Variants in PTPRN2 observed in about 807,000 individuals in gnomAD.
PTPRN2 encodes the protein receptor-type tyrosine-protein phosphatase N2.
Under a neutral mutation model 118.8 loss-of-function variants are expected in PTPRN2, and 74 were observed. That is an observed-to-expected ratio of 0.62 (90% CI 0.52 to 0.76). The LOEUF (loss-of-function observed/expected upper bound fraction) is 0.76, where lower values mean the gene tolerates loss of function less well. Among genes scored for constraint, PTPRN2 ranks in the 30% least tolerant of loss-of-function variants. PTPRN2 has a pLI of 0.00. For synonymous variants in PTPRN2, 641 were observed against 608.0 expected (o/e 1.05, Z -0.80); for missense variants, 1,481 against 1,394.4 (o/e 1.06, Z -0.99).
chr7:158,348,676 C>T (rs1807718214), intron 2 of PTPRN2, among the ~76,000 whole-genome samples: 2 of 152,172 alleles, frequency 1.3e-5, no homozygotes. Flanking sequence ...ATGGTGATGG[C>T]CACAGGCCCG....
chr7:157,717,008 C>T (rs71538050), intron 12 of PTPRN2, among the ~76,000 whole-genome samples: 4 of 113,626 alleles, frequency 3.5e-5, no homozygotes, highest in African/African-American at 1.2e-4. Flanking sequence ...GTAGACTCTG[C>T]GGGAACACTG....
intron 11 of PTPRN2, among the ~76,000 whole-genome samples, chr7:158,039,985 C>A (rs900582261): frequency 2.0e-5 from 3 of 151,568 alleles, no homozygotes; most frequent in Non-Finnish European, 2.9e-5. Flanking sequence ...TTGATGGGCT[C>A]ATTGGTAGAG....
chr7:157,722,827 G>C (rs973447024), intron 12 of PTPRN2, among the ~76,000 whole-genome samples: 6 of 152,114 alleles, frequency 3.9e-5, no homozygotes, highest in African/African-American at 1.2e-4. Flanking sequence ...GGCGGTGCAG[G>C]GTGGGGCTCT....
In PTPRN2 at chr7:157,784,817, C is replaced by A. The variant is rs546417564; in HGVS notation, c.1789-101880G>T. Among the ~76,000 whole-genome samples, 1 of 152,148 alleles carries A rather than the reference C, an allele frequency of 6.6e-6. No homozygotes were observed. Among genetic ancestry groups the A allele is most frequent in the Admixed American group, 6.5e-5 (1 of 15,276 alleles). ...AGCTAATGGAAGGAAATGAACCCAT[C>A]GTGTGGGGCGACATAGGGGCCCAGG... On this transcript the variant is annotated intron_variant, in intron 12 of 22. Coordinates refer to ENST00000389418, the MANE Select transcript of PTPRN2 (RefSeq NM_002847.5). The surrounding 1 kb of genome is among the most constrained non-coding windows in gnomAD (Gnocchi z 4.6).
intron 1 of PTPRN2, among the ~76,000 whole-genome samples, chr7:158,492,400 G>T (rs1046142349): frequency 6.6e-6 from 1 of 152,208 alleles, no homozygotes; most frequent in Admixed American, 6.5e-5. Context: ...AGAGGCACCG[G>T]GAAGAAAGCC....
intron 12 of PTPRN2, among the ~76,000 whole-genome samples, chr7:157,771,889 GAC>G (rs1224938514): frequency 2.0e-5 from 3 of 146,856 alleles, no homozygotes; most frequent in East Asian, 4.0e-4. Context: ...AACACACACA[GAC>G]ACAGACACAA....
Position 158,234,271 on chromosome 7 carries a change from CA to C in PTPRN2, c.278-28999del, listed in dbSNP as rs146167117. On this transcript the variant is annotated intron_variant, in intron 3 of 22. Coordinates refer to ENST00000389418, the MANE Select transcript of PTPRN2 (RefSeq NM_002847.5). ...ATAAAGAGCTCAAAACACTCAACAG[CA>C]AAAAAAAAACAAACCTCTAATTTAA... Among the ~76,000 whole-genome samples, 7 of 134,590 alleles carry C rather than the reference CA, an allele frequency of 5.2e-5. No homozygotes were observed. The East Asian group carries it at 1.0e-3, about 20-fold the overall frequency. 88.3% of individuals were successfully genotyped at this position (134,590 alleles called of 152,430 possible). A position where few individuals can be genotyped will look rare whatever the true frequency, so the allele number is the denominator to read the frequency against.
chr7:158,463,602 A>G (rs1819165177), intron 2 of PTPRN2, among the ~76,000 whole-genome samples: 1 of 150,180 alleles, frequency 6.7e-6, no homozygotes, highest in African/African-American at 2.5e-5. Context: ...CACCATCATC[A>G]TTGTTATCAC....
chr7:158,199,446 T>C (rs963728074), intron 4 of PTPRN2, among the ~76,000 whole-genome samples: 1 of 152,256 alleles, frequency 6.6e-6, no homozygotes, highest in African/African-American at 2.4e-5. Context: ...AGAAATGAGC[T>C]TGTGGTTGCC....
chr7:158,274,027 C>T (rs1230358248), intron 3 of PTPRN2, among the ~76,000 whole-genome samples: 5 of 128,288 alleles, frequency 3.9e-5, no homozygotes, highest in Admixed American at 7.8e-5. Flanking sequence ...CAGGGGGAGC[C>T]GCAGACACAG....
intron 12 of PTPRN2, among the ~76,000 whole-genome samples, chr7:157,736,517 G>C (rs375727638): frequency 6.6e-6 from 1 of 152,160 alleles, no homozygotes; most frequent in South Asian, 2.1e-4. Context: ...CCACAAGCCC[G>C]GGAGAGAGGT....
rs866120153 is a variant in PTPRN2, at chr7:158,182,681, C to T, written c.549+9646G>A. Among the ~76,000 whole-genome samples the T allele has an allele frequency of 1.2e-4, 19 of 152,318 alleles. No individual in the cohort carries two copies. In the Middle Eastern group the frequency reaches 0.01, roughly 82 times the overall value. On this transcript the variant is annotated intron_variant, in intron 5 of 22. Transcript: ENST00000389418. ...TTCCTTTTTATGGCTGCATAGTATT[C>T]CATGGTGTATATGTACCACATTTTC...
At chr7:158,498,859 G>A (rs1473734867) in intron 1 of PTPRN2, among the ~76,000 whole-genome samples, 1 of 152,176 alleles carries the variant, frequency 6.6e-6, no homozygotes, top group African/African-American at 2.4e-5. Flanking sequence ...TGAAAGAACA[G>A]TACCAAAAGT....
At chr7:158,239,166 G>A (rs774310818) in intron 3 of PTPRN2, among the ~76,000 whole-genome samples, 33 of 152,186 alleles carry the variant, frequency 2.2e-4, no homozygotes, top group East Asian at 5.8e-4. Context: ...CCAGAGGGTC[G>A]ATGTTCCTCT....
At chr7:158,266,462 T>C (rs111424220) in intron 3 of PTPRN2, among the ~76,000 whole-genome samples, 4 of 151,224 alleles carry the variant, frequency 2.6e-5, no homozygotes, top group Admixed American at 1.3e-4. Context: ...GGGTGTTGTC[T>C]GGCAGTGAAG....
At chr7:157,832,796 C>T (rs920210934) in intron 12 of PTPRN2, among the ~76,000 whole-genome samples, 3 of 152,194 alleles carry the variant, frequency 2.0e-5, no homozygotes, top group Non-Finnish European at 2.9e-5. Flanking sequence ...TGGAGCAGTT[C>T]TCTTCCTTCT....
chr7:158,062,687 C>A (rs577625070), intron 11 of PTPRN2, among the ~76,000 whole-genome samples: 1 of 152,298 alleles, frequency 6.6e-6, no homozygotes, highest in African/African-American at 2.4e-5. Context: ...GCGCTGCTGG[C>A]CCCAGGCAGT....
In PTPRN2 at chr7:158,331,495, T is replaced by A. The variant is rs373621968; in HGVS notation, c.164-14563A>T. Among the ~76,000 whole-genome samples the A allele has an allele frequency of 4.3e-4, 63 of 145,848 alleles. No homozygotes were observed. In the East Asian group the frequency reaches 7.9e-3, roughly 18 times the overall value. On this transcript the variant is annotated intron_variant, in intron 2 of 22. Coordinates refer to ENST00000389418, the MANE Select transcript of PTPRN2 (RefSeq NM_002847.5). ...GTCACTCACACCCACACTCTCACCA[T>A]ACGAGCTGTCACCCACAGACATCAC... is the stretch of plus-strand genomic sequence containing the variant.
chr7:158,276,266 T>C (rs10233453), intron 3 of PTPRN2, among the ~76,000 whole-genome samples: 436 of 18,040 alleles, frequency 0.024, 36 homozygotes, highest in South Asian at 0.073. Context: ...CCCCACACTC[T>C]GGCCCCAACA....
Sources: gnomAD v4.1 joint callset for allele counts (sites outside exome capture counted in the v4.1 genomes callset) on GRCh38, gnomAD v4.1.1 for gene constraint, Gnocchi (gnomAD v3.1) non-coding constraint, MANE v1.5 for transcripts, NCBI Gene and HGNC (gene_info 2026-07-23, HGNC 2026-07-21) for gene names.